AFG2A: variants seen among roughly 807,000 people sequenced by gnomAD.
AFG2A encodes AAA ATPase AFG2A.
At chr4:122,962,089 C>T in the AFG2A span, among the ~76,000 whole-genome samples, 4 of 152,210 alleles carry the variant, frequency 2.6e-5, no homozygotes, top group African/African-American at 9.6e-5. Context: ...ATTTCCCTCA[C>T]GTGCACAATT....
chr4:123,310,837 A>T, the AFG2A span, among the ~76,000 whole-genome samples: 1 of 152,216 alleles, frequency 6.6e-6, no homozygotes, highest in East Asian at 1.9e-4. Context: ...AGATGACCTT[A>T]TTGACTAGTT....
the AFG2A span, among the ~76,000 whole-genome samples, chr4:123,180,150 G>A: frequency 6.6e-6 from 1 of 152,096 alleles, no homozygotes; most frequent in African/African-American, 2.4e-5. Context: ...AACCCAGGAG[G>A]CAGAGGTCAC....
At chr4:123,081,289 A>AAC in the AFG2A span, among the ~76,000 whole-genome samples, 1 of 152,222 alleles carries the variant, frequency 6.6e-6, no homozygotes, top group Non-Finnish European at 1.5e-5. Flanking sequence ...ACCAGGTGTT[A>AAC]ACCTGGCAAC....
At chr4:123,119,731 G>C in the AFG2A span, among the ~76,000 whole-genome samples, 1 of 152,096 alleles carries the variant, frequency 6.6e-6, no homozygotes, top group Non-Finnish European at 1.5e-5. Context: ...TTTCCTTGTA[G>C]TGACCAGTAA....
the AFG2A span, among the ~76,000 whole-genome samples, chr4:123,034,997 C>T: frequency 6.6e-6 from 1 of 152,044 alleles, no homozygotes; most frequent in African/African-American, 2.4e-5. Flanking sequence ...TCATAGTCCC[C>T]CTGCCCATAA....
the AFG2A span, among the ~76,000 whole-genome samples, chr4:123,014,884 G>A: frequency 6.6e-6 from 1 of 152,096 alleles, no homozygotes; most frequent in East Asian, 1.9e-4. Flanking sequence ...GCAATTAGTG[G>A]CCCAGTTTTG....
At chr4:123,199,869 C>G in the AFG2A span, among the ~76,000 whole-genome samples, 1 of 151,888 alleles carries the variant, frequency 6.6e-6, no homozygotes, top group African/African-American at 2.4e-5. Context: ...ATAAAAATAT[C>G]TGCTTTCATG....
chr4:123,115,058 C>G, the AFG2A span, among the ~76,000 whole-genome samples: 1 of 152,208 alleles, frequency 6.6e-6, no homozygotes, highest in Non-Finnish European at 1.5e-5. Context: ...ACTGTTGCCA[C>G]TGCTGCTCTC....
chr4:123,186,702 A>T, the AFG2A span, among the ~76,000 whole-genome samples: 1 of 152,186 alleles, frequency 6.6e-6, no homozygotes, highest in African/African-American at 2.4e-5. Context: ...AAAGGAAAAA[A>T]TAAAAACTGT....
At chr4:123,167,598 C>T in the AFG2A span, among the ~76,000 whole-genome samples, 6 of 152,280 alleles carry the variant, frequency 3.9e-5, no homozygotes, top group Middle Eastern at 6.8e-3. Context: ...CCACCCACCT[C>T]GGCCTCCCAA....
the AFG2A span, among the ~76,000 whole-genome samples, chr4:122,977,989 C>T: frequency 6.6e-6 from 1 of 152,080 alleles, no homozygotes; most frequent in Non-Finnish European, 1.5e-5. Context: ...TGATGAGTGT[C>T]CTGCTGTCAG....
chr4:123,117,096 T>C, the AFG2A span, among the ~76,000 whole-genome samples: 1 of 152,126 alleles, frequency 6.6e-6, no homozygotes, highest in Non-Finnish European at 1.5e-5. Context: ...AGTAAGGTAG[T>C]TTTTATAAAC....
At chr4:123,149,798 CTTTTTTT>C in the AFG2A span, among the ~76,000 whole-genome samples, 2 of 121,610 alleles carry the variant, frequency 1.6e-5, no homozygotes, top group Non-Finnish European at 3.2e-5. Flanking sequence ...TAGGAAATAG[CTTTTTTT>C]TTTTTTTTTT....
the AFG2A span, among the ~76,000 whole-genome samples, chr4:123,082,101 C>T: frequency 2.0e-5 from 3 of 152,096 alleles, no homozygotes; most frequent in East Asian, 3.8e-4. Context: ...TTCTTGATGT[C>T]GTCTTTTACA....
At chr4:122,934,878 T>A in the AFG2A span, 10,429 of 1,097,848 alleles carry the variant, frequency 9.5e-3, 656 homozygotes, top group African/African-American at 0.14. Flanking sequence ...TTCAGTTGCT[T>A]TGGGAGATGC....
chr4:123,067,724 T>C, the AFG2A span, among the ~76,000 whole-genome samples: 1 of 152,262 alleles, frequency 6.6e-6, no homozygotes, highest in South Asian at 2.1e-4. Flanking sequence ...TTTTTAGTAC[T>C]GGAAAATAGA....
the AFG2A span, among the ~76,000 whole-genome samples, chr4:123,124,488 T>G: frequency 6.6e-6 from 1 of 152,008 alleles, no homozygotes; most frequent in African/African-American, 2.4e-5. Flanking sequence ...GGGCCTGTTG[T>G]GGGGTGTGGG....
At chr4:123,309,515 A>T in the AFG2A span, among the ~76,000 whole-genome samples, 646 of 152,354 alleles carry the variant, frequency 4.2e-3, 2 homozygotes, top group Non-Finnish European at 7.1e-3. Flanking sequence ...GTTTCAACAT[A>T]TACATTTTGG....
chr4:122,947,161 C>T, the AFG2A span: 1 of 1,411,906 alleles, frequency 7.1e-7, no homozygotes, highest in Non-Finnish European at 9.4e-7. Flanking sequence ...GTCTATACAG[C>T]CAGTGTGTGC....
Sources: gnomAD v4.1 joint callset for allele counts (sites outside exome capture counted in the v4.1 genomes callset) on GRCh38, gnomAD v4.1.1 for gene constraint, MANE v1.5 for transcripts, NCBI Gene and HGNC (gene_info 2026-07-23, HGNC 2026-07-21) for gene names.